PHACTR1: variants seen among roughly 807,000 people sequenced by gnomAD.
The protein encoded by PHACTR1 is phosphatase and actin regulator 1, also known as RPEL repeat containing 1.
PHACTR1 carries 16 observed loss-of-function variants against 69.2 expected under a neutral mutation model. The ratio of observed to expected loss-of-function variants is 0.23; its 90% confidence interval spans 0.16 to 0.35. The LOEUF is 0.35. PHACTR1 is among the 10% of genes least tolerant of loss of function. PHACTR1 has a pLI of 1.00. For synonymous variants in PHACTR1, 312 were observed against 284.5 expected (o/e 1.10, Z -0.97); for missense variants, 510 against 734.7 (o/e 0.69, Z 3.54).
At chr6:13,203,596 G>A (rs1765522317) in intron 7 of PHACTR1, among the ~76,000 whole-genome samples, 1 of 152,160 alleles carries the variant, frequency 6.6e-6, no homozygotes, top group Admixed American at 6.5e-5. Context: ...GTGGGAAGAG[G>A]GATGTAATGA....
At chr6:12,911,189 G>A (rs932551698) in intron 4 of PHACTR1, among the ~76,000 whole-genome samples, 2 of 152,160 alleles carry the variant, frequency 1.3e-5, no homozygotes, top group African/African-American at 4.8e-5. Context: ...GACTTCCCAT[G>A]TTGTGGATTC....
At chr6:12,827,398 G>C (rs1776921194) in intron 4 of PHACTR1, among the ~76,000 whole-genome samples, 1 of 152,136 alleles carries the variant, frequency 6.6e-6, no homozygotes. Flanking sequence ...AGATTTTGTA[G>C]ACCTCTTAGA....
At chr6:12,923,813 A>G (rs1249317476) in intron 4 of PHACTR1, among the ~76,000 whole-genome samples, 1 of 152,236 alleles carries the variant, frequency 6.6e-6, no homozygotes, top group Non-Finnish European at 1.5e-5. Flanking sequence ...ATCTTCAAAG[A>G]CAGGATAGGC....
In PHACTR1 at chr6:13,272,641, G is replaced by A. The variant is rs543777079; in HGVS notation, c.1392-219G>A. ...GGGGAGGGGCCGCTGCAGGGAGGAG[G>A]GCGGGGGTCAGCGGCTGTGACATGA... On this transcript the variant is annotated intron_variant, in intron 10 of 14. Transcript: ENST00000332995. 33 of 1,419,558 alleles carry A rather than the reference G, an allele frequency of 2.3e-5. No individual in the cohort carries two copies. In the African/African-American group the frequency reaches 4.5e-4, roughly 19 times the overall value. 87.9% of individuals were successfully genotyped at this position (1,419,558 alleles called of 1,614,324 possible). A position where few individuals can be genotyped will look rare whatever the true frequency, so the allele number is the denominator to read the frequency against.
At chr6:13,266,427 T>TA (rs1221203269) in intron 10 of PHACTR1, 1 of 152,196 alleles carries the variant, frequency 6.6e-6, no homozygotes, top group Non-Finnish European at 1.5e-5. Flanking sequence ...CCCTAAAACT[T>TA]AAACTCTTCA....
At chr6:12,971,006 T>C (rs2127580792) in intron 4 of PHACTR1, among the ~76,000 whole-genome samples, 1 of 152,276 alleles carries the variant, frequency 6.6e-6, no homozygotes, top group Admixed American at 6.5e-5. Flanking sequence ...AACTGGGTAG[T>C]AGTGATAAGT....
intron 4 of PHACTR1, among the ~76,000 whole-genome samples, chr6:13,029,156 TA>T (rs1319538461): frequency 6.6e-6 from 1 of 152,200 alleles, no homozygotes. Context: ...TCACTGGTAG[TA>T]AGTGTTGGGG....
chr6:12,890,350 C>T (rs1784056731), intron 4 of PHACTR1, among the ~76,000 whole-genome samples: 1 of 152,150 alleles, frequency 6.6e-6, no homozygotes, highest in African/African-American at 2.4e-5. Flanking sequence ...TGCTTTCATT[C>T]CCTGCAGTCC....
intron 4 of PHACTR1, among the ~76,000 whole-genome samples, chr6:13,042,492 C>A (rs1583094566): frequency 6.6e-6 from 1 of 152,272 alleles, no homozygotes; most frequent in Middle Eastern, 3.4e-3. Flanking sequence ...TCAAAGTTAC[C>A]TGGGCTGCTT....
At chr6:13,223,688 A>G (rs1383512577) in intron 8 of PHACTR1, among the ~76,000 whole-genome samples, 2 of 152,090 alleles carry the variant, frequency 1.3e-5, no homozygotes, top group African/African-American at 4.8e-5. Context: ...TCCTTTACCA[A>G]CTGTGTCCTT....
chr6:12,726,743 G>C (rs1762843614), intron 3 of PHACTR1, among the ~76,000 whole-genome samples: 1 of 152,166 alleles, frequency 6.6e-6, no homozygotes, highest in South Asian at 2.1e-4. Context: ...GACTGGGGCA[G>C]GAACAGTGCT....
At chr6:13,153,292 T>C (rs562735953) in intron 5 of PHACTR1, among the ~76,000 whole-genome samples, 1 of 152,350 alleles carries the variant, frequency 6.6e-6, no homozygotes, top group South Asian at 2.1e-4. Context: ...AGGCAGAGTT[T>C]GAAGGCAAGT....
At chr6:12,788,886 A>G (rs1168858919) in intron 4 of PHACTR1, among the ~76,000 whole-genome samples, 1 of 152,242 alleles carries the variant, frequency 6.6e-6, no homozygotes, top group Non-Finnish European at 1.5e-5. Flanking sequence ...GCCAATGCAA[A>G]CATTGCAAGA....
intron 10 of PHACTR1, among the ~76,000 whole-genome samples, chr6:13,259,701 A>T (rs1424651108): frequency 6.6e-6 from 1 of 152,056 alleles, no homozygotes; most frequent in East Asian, 1.9e-4. Context: ...GGGTAAGGAG[A>T]TGTCATGTGC....
chr6:13,107,188 G>A (rs1433909293), intron 5 of PHACTR1, among the ~76,000 whole-genome samples: 1 of 152,078 alleles, frequency 6.6e-6, no homozygotes, highest in Non-Finnish European at 1.5e-5. Context: ...TACACTCACA[G>A]CTCACTGCAG....
chr6:12,834,790 C>T (rs1271670281), intron 4 of PHACTR1, among the ~76,000 whole-genome samples: 1 of 152,118 alleles, frequency 6.6e-6, no homozygotes, highest in Non-Finnish European at 1.5e-5. Context: ...GAACACCATA[C>T]AATATATTCT....
chr6:13,255,042 G>C (rs921949698), intron 10 of PHACTR1, among the ~76,000 whole-genome samples: 1 of 152,148 alleles, frequency 6.6e-6, no homozygotes, highest in African/African-American at 2.4e-5. Flanking sequence ...AAAGAAAAGA[G>C]GTTTAATTGG....
chr6:13,144,367 A>T (rs546447710), intron 5 of PHACTR1, among the ~76,000 whole-genome samples: 4 of 152,332 alleles, frequency 2.6e-5, no homozygotes, highest in African/African-American at 9.6e-5. Context: ...CTCTGGATAC[A>T]AGGTCAATAT....
chr6:12,760,529 A>G (rs1270906126), intron 4 of PHACTR1, among the ~76,000 whole-genome samples: 1 of 152,204 alleles, frequency 6.6e-6, no homozygotes, highest in Non-Finnish European at 1.5e-5. Flanking sequence ...AGAAGAGCAG[A>G]GAAAGAGATA....
Sources: gnomAD v4.1 joint callset for allele counts (sites outside exome capture counted in the v4.1 genomes callset) on GRCh38, gnomAD v4.1.1 for gene constraint, MANE v1.5 for transcripts, NCBI Gene and HGNC (gene_info 2026-07-23, HGNC 2026-07-21) for gene names.